Variants in CYTH1 observed in about 807,000 individuals in gnomAD.
CYTH1 encodes the protein cytohesin-1.
Under a neutral mutation model 61.8 loss-of-function variants are expected in CYTH1, and 18 were observed. That is an observed-to-expected ratio of 0.29 (90% CI 0.20 to 0.43). The LOEUF (loss-of-function observed/expected upper bound fraction) is 0.43, where lower values mean the gene tolerates loss of function less well. CYTH1 is among the 20% of genes least tolerant of loss of function. The probability of loss-of-function intolerance (pLI) is 1.00; values close to 1 mark genes in which losing one functional copy is unlikely to be tolerated. For missense variants in CYTH1, 336 were observed against 510.5 expected (o/e 0.66, Z 3.29); for synonymous variants, 174 against 184.3 (o/e 0.94, Z 0.45).
chr17:78,677,100 C>G (rs146998956), intron 13 of CYTH1: 1 of 455,800 alleles, frequency 2.2e-6, no homozygotes, highest in Admixed American at 2.3e-5. Flanking sequence ...CGCAGCTCCC[C>G]GGGGAATGCT....
chr17:78,769,734 G>A (rs771835163), intron 1 of CYTH1, among the ~76,000 whole-genome samples: 17 of 152,280 alleles, frequency 1.1e-4, no homozygotes, highest in East Asian at 5.8e-4. Context: ...ACCAATCTGC[G>A]AGCCGGATGC....
intron 1 of CYTH1, among the ~76,000 whole-genome samples, chr17:78,734,953 A>T (rs1160575298): frequency 6.6e-6 from 1 of 151,786 alleles, no homozygotes; most frequent in Non-Finnish European, 1.5e-5. Flanking sequence ...GCCAGAGGAA[A>T]CTCCATTTGT....
chr17:78,745,977 G>C (rs1000899525), intron 1 of CYTH1, among the ~76,000 whole-genome samples: 2 of 152,200 alleles, frequency 1.3e-5, no homozygotes, highest in Non-Finnish European at 2.9e-5. Flanking sequence ...GCATGTGCCA[G>C]TTCCTATGTG....
At position 78,733,045 on chromosome 17, in the gene CYTH1, C is replaced by T. The variant is rs143818998; in HGVS notation, c.23-23313G>A. ...GAAGTTGCAGTGAGCCAAGATCACGCCCAGCCTGGCAACAGAGTGAGACTC... is the reference window on the plus strand; with the variant it reads ...GAAGTTGCAGTGAGCCAAGATCACGTCCAGCCTGGCAACAGAGTGAGACTC... On this transcript the variant is annotated intron_variant, in intron 1 of 13. Coordinates refer to ENST00000446868, the MANE Select transcript of CYTH1 (RefSeq NM_004762.6). Among the ~76,000 whole-genome samples the T allele has an allele frequency of 2.2e-4, 30 of 135,028 alleles. 1 individual carries two copies. Among genetic ancestry groups the T allele is most frequent in the Middle Eastern group, 3.9e-3 (1 of 256 alleles). The allele number at this position is 135,028 out of a possible 152,430, so 88.6% of individuals were successfully genotyped here.
chr17:78,732,266 T>G (rs189387237), intron 1 of CYTH1, among the ~76,000 whole-genome samples: 1 of 152,214 alleles, frequency 6.6e-6, no homozygotes, highest in Non-Finnish European at 1.5e-5. Flanking sequence ...ACATCCCTCC[T>G]GTCTAATCAG....
rs1292251446 is a variant in CYTH1, at chr17:78,674,170, T to A, written c.*1921A>T. On this transcript the variant is annotated 3_prime_UTR_variant, in exon 14 of 14. Transcript: ENST00000446868. ...TAAAAACCCTGTCAACAACTTTCAGTCATTTCTTTATATTTTTGTATTTTG... is the reference window on the plus strand; with the variant it reads ...TAAAAACCCTGTCAACAACTTTCAGACATTTCTTTATATTTTTGTATTTTG... The A allele has an allele frequency of 6.5e-6, 1 of 152,700 alleles. No individual in the cohort carries two copies. The allele number at this position is 152,700 out of a possible 1,614,324, so 9.5% of individuals were successfully genotyped here.
chr17:78,703,732 A>C (rs2093037234), intron 3 of CYTH1, among the ~76,000 whole-genome samples: 1 of 152,212 alleles, frequency 6.6e-6, no homozygotes, highest in Non-Finnish European at 1.5e-5. Context: ...TAATGTTGTC[A>C]AGGTCATGGT....
intron 1 of CYTH1, among the ~76,000 whole-genome samples, chr17:78,715,720 A>G (rs2093175112): frequency 6.6e-6 from 1 of 152,150 alleles, no homozygotes; most frequent in Non-Finnish European, 1.5e-5. Flanking sequence ...CCTCTGGGCC[A>G]TCAGGGACGC....
intron 1 of CYTH1, among the ~76,000 whole-genome samples, chr17:78,766,804 C>T (rs2093450473): frequency 6.6e-6 from 1 of 152,016 alleles, no homozygotes; most frequent in African/African-American, 2.4e-5. Flanking sequence ...TGTAAAAGTA[C>T]AAGACATAAA....
At chr17:78,718,464 A>C (rs1028769090) in intron 1 of CYTH1, among the ~76,000 whole-genome samples, 2 of 152,210 alleles carry the variant, frequency 1.3e-5, no homozygotes, top group Non-Finnish European at 2.9e-5. Flanking sequence ...CCAAAGATAC[A>C]GTGATCATGG....
chr17:78,731,614 C>T (rs975945996), intron 1 of CYTH1, among the ~76,000 whole-genome samples: 17 of 151,820 alleles, frequency 1.1e-4, no homozygotes, highest in East Asian at 1.9e-4. Flanking sequence ...AAAAAATAGC[C>T]GGGAGTGGTG....
At chr17:78,731,186 A>G (rs1347740221) in intron 1 of CYTH1, among the ~76,000 whole-genome samples, 3 of 152,196 alleles carry the variant, frequency 2.0e-5, no homozygotes, top group Non-Finnish European at 4.4e-5. Flanking sequence ...GGCTGTTGAA[A>G]CTTAAAATCC....
chr17:78,720,273 G>A (rs1409914874), intron 1 of CYTH1, among the ~76,000 whole-genome samples: 2 of 152,106 alleles, frequency 1.3e-5, no homozygotes, highest in Non-Finnish European at 2.9e-5. Context: ...TAAAGGCCTG[G>A]CATGGTGGCT....
At chr17:78,741,608 C>T (rs753011023) in intron 1 of CYTH1, among the ~76,000 whole-genome samples, 1 of 152,136 alleles carries the variant, frequency 6.6e-6, no homozygotes, top group Non-Finnish European at 1.5e-5. Context: ...ACAGGGGCAG[C>T]CCCCATCACT....
chr17:78,749,871 T>A (rs746454748), intron 1 of CYTH1, among the ~76,000 whole-genome samples: 1 of 152,160 alleles, frequency 6.6e-6, no homozygotes, highest in Non-Finnish European at 1.5e-5. Context: ...TCAAAAAATA[T>A]TCCTAACAGG....
At chr17:78,779,820 G>A (rs2093509477) in intron 1 of CYTH1, among the ~76,000 whole-genome samples, 2 of 152,212 alleles carry the variant, frequency 1.3e-5, no homozygotes, top group Non-Finnish European at 1.5e-5. Flanking sequence ...TTAGCCCAGT[G>A]AGACCTATTT....
rs61370475 is a variant in CYTH1 at position 78,699,365 on chromosome 17, G to GA, written c.551-398dup. Among the ~76,000 whole-genome samples, 580 of 113,522 alleles carry GA rather than the reference G, an allele frequency of 5.1e-3. 2 individuals are homozygous for GA. The highest frequency in any genetic ancestry group is 0.013 in the Middle Eastern group (3 of 226). The allele number at this position is 113,522 out of a possible 152,430, so 74.5% of individuals were successfully genotyped here. A position where few individuals can be genotyped will look rare whatever the true frequency, so the allele number is the denominator to read the frequency against. ...GGCGACAGAGTGAGACTCCATCTCA[G>GA]AAAAAAAAAAAAAAACATGTTCTCA... is the stretch of plus-strand genomic sequence containing the variant. On this transcript the variant is annotated intron_variant, in intron 7 of 13. Coordinates refer to ENST00000446868, the MANE Select transcript of CYTH1 (RefSeq NM_004762.6).
intron 1 of CYTH1, among the ~76,000 whole-genome samples, chr17:78,753,715 A>G (rs2093389750): frequency 6.6e-6 from 1 of 152,180 alleles, no homozygotes. Context: ...TACTCCAATT[A>G]TGAAAACACC....
chr17:78,715,488 CG>C (rs2093173126), intron 1 of CYTH1, among the ~76,000 whole-genome samples: 2 of 152,084 alleles, frequency 1.3e-5, no homozygotes, highest in African/African-American at 4.8e-5. Flanking sequence ...GCCACCAGAC[CG>C]GGTCAGAGCA....
Sources: allele counts gnomAD v4.1 joint callset (sites outside exome capture counted in the v4.1 genomes callset), GRCh38; gene constraint gnomAD v4.1.1; transcripts MANE v1.5; gene names NCBI Gene and HGNC (gene_info 2026-07-23, HGNC 2026-07-21).